The following BCL11B variants were observed in gnomAD, a reference collection of about 807,000 sequenced individuals.
The protein encoded by BCL11B is BCL11 transcription factor B.
In BCL11B, 8 loss-of-function variants were observed where a neutral mutation model predicts 49.9. The ratio of observed to expected loss-of-function variants is 0.16; its 90% CI spans 0.09 to 0.29. BCL11B has a LOEUF of 0.29. BCL11B is among the 10% of genes least tolerant of loss of function. The pLI, the probability that BCL11B is intolerant of heterozygous loss-of-function variation, is 1.00. For missense variants in BCL11B, 1,006 were observed against 1,351.0 expected (o/e 0.74, Z 4.00); for synonymous variants, 739 against 637.4 (o/e 1.16, Z -2.40).
chr14:99,250,660 T>C (rs535667816), intron 2 of BCL11B, among the ~76,000 whole-genome samples: 5 of 152,308 alleles, frequency 3.3e-5, no homozygotes, highest in African/African-American at 1.2e-4. Flanking sequence ...AAAAAAACTT[T>C]AGTCAATACT....
At chr14:99,235,248 G>A (rs1295699756) in intron 2 of BCL11B, among the ~76,000 whole-genome samples, 1 of 152,236 alleles carries the variant, frequency 6.6e-6, no homozygotes, top group Non-Finnish European at 1.5e-5. Flanking sequence ...CTGTGCAGGA[G>A]ACGAGTATTT....
chr14:99,270,502 G>C (rs1889635570), intron 1 of BCL11B, among the ~76,000 whole-genome samples: 1 of 151,876 alleles, frequency 6.6e-6, no homozygotes, highest in Non-Finnish European at 1.5e-5. Context: ...AGGGGGGCTT[G>C]AGCCCGGCAA....
chr14:99,191,105 G>GA (rs1039484582), intron 3 of BCL11B, among the ~76,000 whole-genome samples: 21 of 152,122 alleles, frequency 1.4e-4, no homozygotes, highest in Non-Finnish European at 2.1e-4. Flanking sequence ...TTGTCAGTTA[G>GA]AAAAAAACAG....
intron 1 of BCL11B, among the ~76,000 whole-genome samples, chr14:99,266,356 C>T (rs907778264): frequency 6.6e-6 from 1 of 152,142 alleles, no homozygotes; most frequent in African/African-American, 2.4e-5. Flanking sequence ...CTTCCCCAGA[C>T]CTCCCCAGCC....
chr14:99,243,650 TA>T (rs1888735155), intron 2 of BCL11B, among the ~76,000 whole-genome samples: 1 of 152,174 alleles, frequency 6.6e-6, no homozygotes, highest in Admixed American at 6.5e-5. Context: ...TCTGCGGCTT[TA>T]ACAACGACAC....
At chr14:99,269,454 C>A (rs1003469815) in intron 1 of BCL11B, among the ~76,000 whole-genome samples, 4 of 151,780 alleles carry the variant, frequency 2.6e-5, no homozygotes, top group Non-Finnish European at 2.9e-5. Flanking sequence ...AAAGAGAAGT[C>A]CTCTTCCCTT....
At chr14:99,179,421 C>A (rs1356400494) in intron 3 of BCL11B, among the ~76,000 whole-genome samples, 1 of 135,276 alleles carries the variant, frequency 7.4e-6, no homozygotes, top group East Asian at 2.3e-4. Flanking sequence ...TGGCAGTGAG[C>A]TGAGATCGAA....
intron 3 of BCL11B, among the ~76,000 whole-genome samples, chr14:99,229,926 C>G (rs1262246390): frequency 1.3e-5 from 2 of 152,138 alleles, no homozygotes; most frequent in Non-Finnish European, 2.9e-5. Flanking sequence ...GACAGGAGGC[C>G]TGAGCACCTG....
At chr14:99,226,384 C>A (rs533899849) in intron 3 of BCL11B, among the ~76,000 whole-genome samples, 1 of 152,258 alleles carries the variant, frequency 6.6e-6, no homozygotes, top group Non-Finnish European at 1.5e-5. Flanking sequence ...CATACTCACC[C>A]CTCCCTCCAG....
intron 2 of BCL11B, among the ~76,000 whole-genome samples, chr14:99,255,405 GAAAAAAAAAAAAAAAAA>G (rs67440207): frequency 1.1e-3 from 70 of 65,170 alleles, no homozygotes; most frequent in Middle Eastern, 0.028. Flanking sequence ...TCACAACCTG[GAAAAAAAAAAAAAAAAA>G]AAAAAAAAAA....
rs938419797 is a variant in BCL11B, at chr14:99,242,962, G to A, written c.428-11405C>T. 6.6e-5 allele frequency among the ~76,000 whole-genome samples: 10 copies of A among 152,218 alleles called. No homozygotes were observed. The highest frequency in any genetic ancestry group is 1.3e-4 in the Admixed American group (2 of 15,292). On this transcript the variant is annotated intron_variant, in intron 2 of 3. Coordinates refer to ENST00000357195, the MANE Select transcript of BCL11B (RefSeq NM_138576.4). The surrounding 1 kb of genome is among the most constrained non-coding windows in gnomAD (Gnocchi z 4.4). ...GCGGTGAGAATTTCCTCACTGGTCC[G>A]CTTTGAGTTCCTTCCTCACCGGCAC...
chr14:99,271,364 T>C lies in BCL11B; in HGVS notation c.-146A>G. Reference sequence around the variant, plus strand: ...CCTCCTCCTCTGCCCGGGTTGGTGTTTTTTTTCCCTTCCTCTCTTTCCCTC... The same window carrying C: ...CCTCCTCCTCTGCCCGGGTTGGTGTCTTTTTTCCCTTCCTCTCTTTCCCTC... On this transcript the variant is annotated 5_prime_UTR_variant, in exon 1 of 4. Coordinates refer to ENST00000357195, the MANE Select transcript of BCL11B (RefSeq NM_138576.4). The C allele has an allele frequency of 2.6e-6, 1 of 389,276 alleles. No homozygotes were observed. Among genetic ancestry groups the C allele is most frequent in the Non-Finnish European group, 4.2e-6 (1 of 238,444 alleles). 24.1% of individuals were successfully genotyped at this position (389,276 alleles called of 1,614,324 possible).
rs1353912068 is a variant in BCL11B, at chr14:99,174,584, C to T, written c.2252G>A (p.Arg751His). Reference protein sequence around the residue: ...SEHSSENGSLRFSTPPGDLLD... With the variant: ...SEHSSENGSLHFSTPPGDLLD... ...CAGGTCCCCGGGCGGCGTGGAGAAG[C>T]GCAGGCTGCCGTTCTCGGACGAGTG... Residue 751 changes from arginine to histidine, a missense_variant, in exon 4 of 4, where the codon CGC (arginine) becomes CAC (histidine). Physicochemically the swap from Arg to His is conservative, Grantham distance 29. Around this residue, in one of 6 missense-constraint regions of BCL11B, gnomAD observed 443 missense variants for 499.7 expected, o/e 0.89. Transcript: ENST00000357195. 2 of 1,524,558 alleles carry T rather than the reference C, an allele frequency of 1.3e-6. No individual in the cohort carries two copies. Among genetic ancestry groups the T allele is most frequent in the African/African-American group, 1.4e-5 (1 of 70,372 alleles). 94.4% of individuals were successfully genotyped at this position (1,524,558 alleles called of 1,614,324 possible).
In BCL11B at chr14:99,184,582, G is replaced by A. The variant is rs28693401; in HGVS notation, c.641-8387C>T. Among the ~76,000 whole-genome samples, 2,041 of 150,092 alleles carry A rather than the reference G, an allele frequency of 0.014. 39 individuals carry two copies. The highest frequency in any genetic ancestry group is 0.048 in the African/African-American group (1,929 of 39,818). On this transcript the variant is annotated intron_variant, in intron 3 of 3. Coordinates refer to ENST00000357195, the MANE Select transcript of BCL11B (RefSeq NM_138576.4). The surrounding 1 kb of genome is among the most constrained non-coding windows in gnomAD (Gnocchi z 6.1). ...AGAGTCAAGATGCACACCCGGGTCC[G>A]TCTGACCCCAGAGCGTGTGCTGGGG...
chr14:99,191,081 C>G (rs775499736), intron 3 of BCL11B, among the ~76,000 whole-genome samples: 1 of 152,180 alleles, frequency 6.6e-6, no homozygotes, highest in Non-Finnish European at 1.5e-5. Flanking sequence ...TTCCCCCAGG[C>G]CTTTTCCAGG....
chr14:99,269,988 C>CTT (rs1889612920), intron 1 of BCL11B, among the ~76,000 whole-genome samples: 1 of 150,968 alleles, frequency 6.6e-6, no homozygotes, highest in Non-Finnish European at 1.5e-5. Flanking sequence ...GCCCCGCGGG[C>CTT]TGCGGCGGGC....
rs143975117 is a variant in BCL11B at position 99,234,880 on chromosome 14, A to AAAAG, written c.428-3324_428-3323insCTTT. Among the ~76,000 whole-genome samples, 878 of 119,640 alleles carry AAAAG rather than the reference A, an allele frequency of 7.3e-3. 21 individuals carry two copies. Among genetic ancestry groups the AAAAG allele is most frequent in the Middle Eastern group, 0.016 (3 of 190 alleles). 78.5% of individuals were successfully genotyped at this position (119,640 alleles called of 152,430 possible). ...CAAAAAAAAAAAAAAAAAAAAAAAA[A>AAAAG]GTCTAAAAATAAGGCCCCTAAAATG... is the stretch of plus-strand genomic sequence containing the variant. On this transcript the variant is annotated intron_variant, in intron 2 of 3. Transcript: ENST00000357195.
chr14:99,227,290 A>T, intron 3 of BCL11B, among the ~76,000 whole-genome samples: 1 of 152,188 alleles, frequency 6.6e-6, no homozygotes, highest in East Asian at 1.9e-4. Context: ...CTCACTCAGC[A>T]CATGGTGTTG....
intron 3 of BCL11B, among the ~76,000 whole-genome samples, chr14:99,198,913 C>A (rs1294141618): frequency 2.0e-5 from 3 of 152,138 alleles, no homozygotes; most frequent in Non-Finnish European, 4.4e-5. Flanking sequence ...GGTCAGCCAT[C>A]CCCAGGTGCA....
Sources: allele counts gnomAD v4.1 joint callset (sites outside exome capture counted in the v4.1 genomes callset), GRCh38; gene constraint gnomAD v4.1.1; regional missense constraint gnomAD v4.1.1; non-coding constraint Gnocchi (gnomAD v3.1); transcripts MANE v1.5; gene names NCBI Gene and HGNC (gene_info 2026-07-23, HGNC 2026-07-21).